Variants in TBC1D15 observed in about 807,000 individuals in gnomAD.
TBC1D15 encodes the protein GAP for RAB7.
A neutral mutation model predicts 95.4 loss-of-function variants in TBC1D15; 39 were observed. The observed-to-expected ratio is 0.41, with a 90% CI of 0.32 to 0.53. The LOEUF (loss-of-function observed/expected upper bound fraction) is 0.53, where lower values mean the gene tolerates loss of function less well. TBC1D15 is among the 20% of genes least tolerant of loss of function. TBC1D15 has a pLI of 0.29. For missense variants in TBC1D15, 733 were observed against 794.3 expected (o/e 0.92, Z 0.93); for synonymous variants, 258 against 261.3 (o/e 0.99, Z 0.12).
intron 1 of TBC1D15, among the ~76,000 whole-genome samples, chr12:71,864,500 G>T (rs373548664): frequency 0.019 from 2,620 of 139,304 alleles, 32 homozygotes; most frequent in African/African-American, 0.031. Context: ...TTTTTTTTTT[G>T]TTTGTTTGTT....
At chr12:71,881,772 C>T (rs1009356871) in intron 4 of TBC1D15, among the ~76,000 whole-genome samples, 6 of 151,898 alleles carry the variant, frequency 4.0e-5, no homozygotes, top group African/African-American at 1.5e-4. Context: ...AAAAAATTAG[C>T]CGGGCGTGGT....
chr12:71,847,834 A>G (rs1051923848), intron 1 of TBC1D15, among the ~76,000 whole-genome samples: 11 of 152,174 alleles, frequency 7.2e-5, no homozygotes, highest in Admixed American at 1.3e-4. Flanking sequence ...GCCGTGGCTC[A>G]CACCTGTAAT....
At chr12:71,896,409 CT>C in intron 8 of TBC1D15, 1 of 457,530 alleles carries the variant, frequency 2.2e-6, no homozygotes. Flanking sequence ...TAAGATTGGG[CT>C]TAGACTCACC....
intron 16 of TBC1D15, among the ~76,000 whole-genome samples, chr12:71,921,862 A>C (rs1016793427): frequency 6.6e-6 from 1 of 152,238 alleles, no homozygotes; most frequent in East Asian, 1.9e-4. Context: ...TATATTAGTC[A>C]AGTTATTAAT....
intron 1 of TBC1D15, among the ~76,000 whole-genome samples, chr12:71,848,390 G>A (rs1886870871): frequency 6.6e-6 from 1 of 152,176 alleles, no homozygotes; most frequent in South Asian, 2.1e-4. Context: ...TCTAATAGGT[G>A]TGTAATAGTG....
At chr12:71,899,158 C>T (rs1247017430) in intron 10 of TBC1D15, among the ~76,000 whole-genome samples, 1 of 152,176 alleles carries the variant, frequency 6.6e-6, no homozygotes, top group Non-Finnish European at 1.5e-5. Context: ...ATATCCTCTT[C>T]CCTTTATATC....
intron 10 of TBC1D15, 83 bp from the exon 11 acceptor site, chr12:71,906,939 T>A (rs1900870315): frequency 1.4e-6 from 1 of 717,544 alleles, no homozygotes; most frequent in African/African-American, 1.8e-5. Context: ...GCAAGAAAAA[T>A]GACTCTGTAC....
rs759013274 is a variant in TBC1D15 at position 71,893,293 on chromosome 12, T to C, written c.626T>C (p.Leu209Pro). The C allele has an allele frequency of 1.2e-6, 2 of 1,610,298 alleles. No homozygotes were observed. The highest frequency in any genetic ancestry group is 4.5e-5 in the East Asian group (2 of 44,654). The change falls in exon 6 of 17, where the codon CTT becomes CCT. Residue 209 changes from leucine (L) to proline (P), a missense_variant. Coordinates refer to ENST00000485960, the MANE Select transcript of TBC1D15 (RefSeq NM_001146213.3). ...NKSLSQSFEN[L>P]LDEPAYGLIQ... Reference sequence around the variant, plus strand: ...AGTCTTTCACAGTCTTTTGAAAATCTTCTTGATGAGCCAGCATATGGTTTA... The same window carrying C: ...AGTCTTTCACAGTCTTTTGAAAATCCTCTTGATGAGCCAGCATATGGTTTA...
intron 3 of TBC1D15, among the ~76,000 whole-genome samples, chr12:71,878,003 TC>T (rs1224251306): frequency 6.6e-5 from 10 of 152,308 alleles, no homozygotes; most frequent in Admixed American, 2.6e-4. Context: ...GTGAGACTCT[TC>T]CTGGGGTGCA....
chr12:71,918,030 C>T (rs1001987134), intron 13 of TBC1D15, among the ~76,000 whole-genome samples: 1 of 152,084 alleles, frequency 6.6e-6, no homozygotes, highest in African/African-American at 2.4e-5. Flanking sequence ...TGATGCATGC[C>T]TGTAGTCCCA....
intron 1 of TBC1D15, among the ~76,000 whole-genome samples, chr12:71,846,596 T>A (rs1886319688): frequency 6.6e-6 from 1 of 152,164 alleles, no homozygotes; most frequent in South Asian, 2.1e-4. Context: ...AACACCTGAT[T>A]CCCAGCTAAG....
chr12:71,891,511 A>G (rs1258014739), intron 5 of TBC1D15, among the ~76,000 whole-genome samples: 1 of 152,130 alleles, frequency 6.6e-6, no homozygotes, highest in African/African-American at 2.4e-5. Flanking sequence ...ACATTCTGGT[A>G]ATATTTTGGA....
chr12:71,850,986 A>G (rs34019397), intron 1 of TBC1D15, among the ~76,000 whole-genome samples: 1 of 121,700 alleles, frequency 8.2e-6, no homozygotes, highest in Admixed American at 7.8e-5. Context: ...CTCCATCTCA[A>G]AAAAAAAAAA....
intron 1 of TBC1D15, among the ~76,000 whole-genome samples, chr12:71,852,444 G>C (rs900535887): frequency 1.3e-5 from 2 of 152,194 alleles, no homozygotes; most frequent in Non-Finnish European, 2.9e-5. Context: ...AAATTTCTGC[G>C]GTGAGTTTGA....
intron 1 of TBC1D15, among the ~76,000 whole-genome samples, chr12:71,868,142 ATG>A (rs1307150477): frequency 6.6e-6 from 1 of 152,084 alleles, no homozygotes; most frequent in Admixed American, 6.5e-5. Flanking sequence ...GACAGTATAA[ATG>A]TGGTTTGGAA....
chr12:71,897,684 CTTAT>C (rs1183210456), intron 9 of TBC1D15, among the ~76,000 whole-genome samples, 159 bp from the exon 10 acceptor site: 1 of 151,918 alleles, frequency 6.6e-6, no homozygotes, highest in Non-Finnish European at 1.5e-5. Context: ...TTTGTTTTCA[CTTAT>C]TTATCATAAC....
chr12:71,869,123 T>TATG (rs1391260345), intron 1 of TBC1D15, among the ~76,000 whole-genome samples: 6 of 152,186 alleles, frequency 3.9e-5, no homozygotes, highest in Non-Finnish European at 8.8e-5. Flanking sequence ...GCAGCTAAAA[T>TATG]CTACTTATTT....
chr12:71,920,653 A>G (rs935145953), intron 14 of TBC1D15, 78 bp from the exon 15 acceptor site: 3 of 1,072,190 alleles, frequency 2.8e-6, no homozygotes, highest in Non-Finnish European at 1.4e-6. Flanking sequence ...GAAGTCATTC[A>G]GTGTTCAGAA....
chr12:71,902,148 A>G lies in TBC1D15; in HGVS notation c.1183+4207A>G, dbSNP rs147717765. ...ATGGATTGAAAGAATATTGTTTAAA[A>G]TGGCCGTACTGCCCAAAGCTATTTA... On this transcript the variant is annotated intron_variant, in intron 10 of 16. Coordinates refer to ENST00000485960, the MANE Select transcript of TBC1D15 (RefSeq NM_001146213.3). 2.6e-5 allele frequency among the ~76,000 whole-genome samples: 4 copies of G among 152,340 alleles called. 1 individual carries two copies. The highest frequency in any genetic ancestry group is 4.8e-5 in the African/African-American group (2 of 41,564).
Sources: gnomAD v4.1 joint callset for allele counts (sites outside exome capture counted in the v4.1 genomes callset) on GRCh38, gnomAD v4.1.1 for gene constraint, MANE v1.5 for transcripts, NCBI Gene and HGNC (gene_info 2026-07-23, HGNC 2026-07-21) for gene names.